The following SCFD2 variants were observed in gnomAD, a reference collection of about 807,000 sequenced individuals.
SCFD2 encodes sec1 family domain-containing protein 2.
A neutral mutation model predicts 58.9 loss-of-function variants in SCFD2; 54 were observed. That is an observed-to-expected ratio of 0.92 (90% CI 0.74 to 1.15). The LOEUF is 1.15. Ranked by LOEUF, SCFD2 falls within the 50% of genes most tolerant of loss-of-function variation. The pLI, the probability that SCFD2 is intolerant of heterozygous loss-of-function variation, is 0.00. For missense variants in SCFD2, 805 were observed against 836.6 expected (o/e 0.96, Z 0.47); for synonymous variants, 321 against 335.9 (o/e 0.96, Z 0.49).
chr4:53,030,500 G>A (rs186534477), intron 5 of SCFD2, among the ~76,000 whole-genome samples: 263 of 151,752 alleles, frequency 1.7e-3, no homozygotes, highest in African/African-American at 6.2e-3. Flanking sequence ...TCAGCTCACT[G>A]CAACCTCTGC....
At chr4:52,968,401 G>A (rs1721010266) in intron 5 of SCFD2, among the ~76,000 whole-genome samples, 2 of 152,228 alleles carry the variant, frequency 1.3e-5, no homozygotes, top group South Asian at 2.1e-4. Context: ...AGAACATGCA[G>A]GCATACTTGG....
chr4:53,128,149 T>C (rs1385131632), intron 5 of SCFD2, among the ~76,000 whole-genome samples: 1 of 150,170 alleles, frequency 6.7e-6, no homozygotes, highest in Admixed American at 6.6e-5. Flanking sequence ...AATTTAGACA[T>C]AAATTGGCTC....
intron 5 of SCFD2, among the ~76,000 whole-genome samples, chr4:52,934,871 C>T (rs77624358): frequency 0.014 from 2,090 of 152,176 alleles, 46 homozygotes; most frequent in African/African-American, 0.045. Context: ...CTAGATTAAG[C>T]GACAAGAGTT....
chr4:53,364,844 GTTGT>G (rs1734647301), intron 1 of SCFD2, among the ~76,000 whole-genome samples: 1 of 152,136 alleles, frequency 6.6e-6, no homozygotes, highest in South Asian at 2.1e-4. Flanking sequence ...GGCTAAAGTT[GTTGT>G]TTAACAAGGC....
At chr4:53,112,514 C>T (rs1406621617) in intron 5 of SCFD2, among the ~76,000 whole-genome samples, 1 of 151,988 alleles carries the variant, frequency 6.6e-6, no homozygotes, top group African/African-American at 2.4e-5. Flanking sequence ...TGCATTCGCA[C>T]CAAGTAGAAG....
intron 6 of SCFD2, among the ~76,000 whole-genome samples, chr4:52,919,411 A>G (rs1296359962): frequency 1.3e-5 from 2 of 152,152 alleles, no homozygotes; most frequent in African/African-American, 4.8e-5. Flanking sequence ...TACCTGAGTG[A>G]TTTTATCTGT....
At chr4:53,174,911 A>C (rs1011463197) in intron 4 of SCFD2, among the ~76,000 whole-genome samples, 8 of 151,832 alleles carry the variant, frequency 5.3e-5, no homozygotes, top group African/African-American at 1.9e-4. Flanking sequence ...ATCCATATAA[A>C]TGTTCTGCCT....
chr4:53,249,160 C>A (rs1366460541), intron 4 of SCFD2, among the ~76,000 whole-genome samples: 2 of 151,996 alleles, frequency 1.3e-5, no homozygotes, highest in African/African-American at 4.8e-5. Flanking sequence ...GTGAAGAATG[C>A]AGAAGCCTCA....
chr4:53,133,086 T>C (rs1479271170), intron 5 of SCFD2, among the ~76,000 whole-genome samples: 1 of 152,070 alleles, frequency 6.6e-6, no homozygotes, highest in African/African-American at 2.4e-5. Context: ...CCCAGCACTT[T>C]GGGAGGCCGA....
At chr4:53,015,351 C>T (rs1482107822) in intron 5 of SCFD2, among the ~76,000 whole-genome samples, 3 of 152,164 alleles carry the variant, frequency 2.0e-5, no homozygotes, top group Non-Finnish European at 4.4e-5. Flanking sequence ...AGGCACTGTG[C>T]TGTGCATTGA....
chr4:53,074,004 C>T (rs1306823133), intron 5 of SCFD2, among the ~76,000 whole-genome samples: 10 of 152,066 alleles, frequency 6.6e-5, no homozygotes. Flanking sequence ...ATAAAGTCTG[C>T]CTTATTAACT....
At chr4:53,072,302 CAGCAGA>C (rs1723838430) in intron 5 of SCFD2, among the ~76,000 whole-genome samples, 1 of 152,080 alleles carries the variant, frequency 6.6e-6, no homozygotes, top group African/African-American at 2.4e-5. Flanking sequence ...AAAGAGTCCT[CAGCAGA>C]ATTTCCCTTT....
At chr4:52,996,832 A>G (rs1376649201) in intron 5 of SCFD2, among the ~76,000 whole-genome samples, 1 of 152,238 alleles carries the variant, frequency 6.6e-6, no homozygotes, top group African/African-American at 2.4e-5. Flanking sequence ...AGCAGCCAGG[A>G]CAAAGGATCA....
At chr4:52,991,836 A>G (rs553654970) in intron 5 of SCFD2, among the ~76,000 whole-genome samples, 1 of 152,284 alleles carries the variant, frequency 6.6e-6, no homozygotes, top group East Asian at 1.9e-4. Flanking sequence ...AGATTGTTTT[A>G]TCTGCCAGTA....
intron 2 of SCFD2, among the ~76,000 whole-genome samples, chr4:53,347,474 A>C (rs1734090641): frequency 6.6e-6 from 1 of 152,180 alleles, no homozygotes; most frequent in Non-Finnish European, 1.5e-5. Context: ...GAAGAAACCA[A>C]AATACAACAT....
chr4:52,966,481 C>T (rs1378634377), intron 5 of SCFD2, among the ~76,000 whole-genome samples: 4 of 152,094 alleles, frequency 2.6e-5, no homozygotes, highest in Admixed American at 2.6e-4. Flanking sequence ...CCTTTTTAAT[C>T]TCTGTTTTCA....
chr4:53,030,523 A>G (rs755507074), intron 5 of SCFD2, among the ~76,000 whole-genome samples: 3 of 151,746 alleles, frequency 2.0e-5, no homozygotes, highest in Non-Finnish European at 2.9e-5. Context: ...CCTGGGTTCC[A>G]GCGATTCTCC....
At chr4:53,292,451 A>C (rs1312929889) in intron 3 of SCFD2, among the ~76,000 whole-genome samples, 1 of 152,228 alleles carries the variant, frequency 6.6e-6, no homozygotes, top group East Asian at 1.9e-4. Context: ...ATATGAAAAA[A>C]AGCTCATCAT....
intron 2 of SCFD2, among the ~76,000 whole-genome samples, chr4:53,341,044 C>T (rs1239842523): frequency 6.6e-6 from 1 of 152,168 alleles, no homozygotes; most frequent in African/African-American, 2.4e-5. Flanking sequence ...TTCTAAAAAT[C>T]AGAGCACCTC....
Sources: gnomAD v4.1 joint callset for allele counts (sites outside exome capture counted in the v4.1 genomes callset) on GRCh38, gnomAD v4.1.1 for gene constraint, MANE v1.5 for transcripts, NCBI Gene and HGNC (gene_info 2026-07-23, HGNC 2026-07-21) for gene names.